The following TAF1B variants were observed in gnomAD, a reference collection of about 807,000 sequenced individuals.
TAF1B encodes the protein TATA-box binding protein associated factor, RNA polymerase I subunit B.
Under a neutral mutation model 83.9 loss-of-function variants are expected in TAF1B, and 61 were observed. That is an observed-to-expected ratio of 0.73 (90% CI 0.59 to 0.90). The LOEUF is 0.90. Among genes scored for constraint, TAF1B ranks in the 40% least tolerant of loss-of-function variants. TAF1B has a pLI of 0.00. For missense variants in TAF1B, 625 were observed against 677.0 expected, an observed-to-expected ratio of 0.92 and a Z score of 0.85; for synonymous variants, 221 against 224.6, an observed-to-expected ratio of 0.98 and a Z score of 0.14.
chr2:9,871,757 T>C (rs12613533), intron 6 of TAF1B, among the ~76,000 whole-genome samples: 36,707 of 151,970 alleles, frequency 0.24, 4,999 homozygotes, highest in East Asian at 0.3. Flanking sequence ...ATCAGATTCC[T>C]CAGAGAAATC....
At chr2:9,863,710 T>C (rs9674070) in intron 5 of TAF1B, among the ~76,000 whole-genome samples, 36,780 of 152,046 alleles carry the variant, frequency 0.24, 5,017 homozygotes, top group East Asian at 0.31. Context: ...AAGCACTCCT[T>C]AGCAAATGTA....
intron 5 of TAF1B, among the ~76,000 whole-genome samples, chr2:9,867,676 T>C (rs997135402): frequency 6.9e-6 from 1 of 145,830 alleles, no homozygotes; most frequent in Non-Finnish European, 1.6e-5. Context: ...CCAGCTGACC[T>C]TTTTAGGGAC....
intron 8 of TAF1B, among the ~76,000 whole-genome samples, chr2:9,884,980 A>T (rs971111220): frequency 1.3e-5 from 2 of 152,230 alleles, no homozygotes; most frequent in African/African-American, 4.8e-5. Context: ...TTCCATGCAT[A>T]TTCAACTGTA....
In TAF1B at chr2:9,868,195, G is replaced by C. The variant is rs763502487; in HGVS notation, c.400-81G>C. ...GAGTGGTTTCTTTTAGGGTGTTTGT[G>C]ATAGGAGTTGTTTAAGTTCACAGAA... On this transcript the variant is annotated intron_variant, in intron 5 of 14. Transcript: ENST00000263663. 5 of 1,433,118 alleles carry C rather than the reference G, an allele frequency of 3.5e-6. No homozygotes were observed. In the African/African-American group the frequency reaches 7.2e-5, roughly 21 times the overall value. 88.8% of individuals were successfully genotyped at this position (1,433,118 alleles called of 1,614,324 possible).
intron 6 of TAF1B, among the ~76,000 whole-genome samples, chr2:9,873,872 T>C (rs1456968287): frequency 2.0e-5 from 3 of 152,088 alleles, no homozygotes; most frequent in Non-Finnish European, 4.4e-5. Context: ...TGGTCTTCTG[T>C]TTCTACTCCT....
At chr2:9,877,437 G>A (rs394299) in intron 7 of TAF1B, among the ~76,000 whole-genome samples, 2,197 of 152,156 alleles carry the variant, frequency 0.014, 23 homozygotes, top group Middle Eastern at 0.02. Flanking sequence ...TCCCCTCTAC[G>A]TACACTGTTG....
intron 7 of TAF1B, among the ~76,000 whole-genome samples, chr2:9,880,925 A>G (rs1239091390): frequency 1.3e-5 from 2 of 152,196 alleles, no homozygotes; most frequent in Admixed American, 1.3e-4. Flanking sequence ...CATAAATACT[A>G]TCATATAAAC....
chr2:9,883,360 A>T (rs917754733), intron 8 of TAF1B, among the ~76,000 whole-genome samples: 4 of 152,014 alleles, frequency 2.6e-5, no homozygotes, highest in Non-Finnish European at 5.9e-5. Flanking sequence ...GTTTTTTTTG[A>T]TGTACTAAAT....
intron 6 of TAF1B, among the ~76,000 whole-genome samples, chr2:9,869,873 A>C (rs1379019584): frequency 6.6e-6 from 1 of 150,906 alleles, no homozygotes; most frequent in Non-Finnish European, 1.5e-5. Context: ...CTCCATCTCA[A>C]AAAAAAAAGA....
chr2:9,891,531 G>A (rs1402710528), intron 8 of TAF1B, among the ~76,000 whole-genome samples: 1 of 152,018 alleles, frequency 6.6e-6, no homozygotes, highest in African/African-American at 2.4e-5. Context: ...ACTGGTTTAT[G>A]TATTTACTAT....
intron 5 of TAF1B, among the ~76,000 whole-genome samples, chr2:9,863,121 T>G: frequency 6.6e-6 from 1 of 151,556 alleles, no homozygotes; most frequent in East Asian, 1.9e-4. Flanking sequence ...GTAAATGGGC[T>G]AAATGCTCCA....
chr2:9,918,966 A>C, intron 12 of TAF1B, 75 bp from the exon 13 acceptor site: 2 of 1,236,874 alleles, frequency 1.6e-6, no homozygotes, highest in Non-Finnish European at 2.4e-6. Flanking sequence ...CAGAAATCTC[A>C]GATAGTGCTT....
At chr2:9,891,197 G>A (rs1324332010) in intron 8 of TAF1B, among the ~76,000 whole-genome samples, 2 of 152,232 alleles carry the variant, frequency 1.3e-5, no homozygotes, top group African/African-American at 2.4e-5. Flanking sequence ...CTGTCACCTA[G>A]TGATGTTGTA....
At chr2:9,892,269 A>G (rs1664893631) in intron 8 of TAF1B, among the ~76,000 whole-genome samples, 1 of 152,196 alleles carries the variant, frequency 6.6e-6, no homozygotes, top group Admixed American at 6.5e-5. Flanking sequence ...CTAGGTGTGT[A>G]CTGGGCTGTA....
At chr2:9,918,288 G>A (rs1357642649) in intron 12 of TAF1B, among the ~76,000 whole-genome samples, 2 of 152,240 alleles carry the variant, frequency 1.3e-5, no homozygotes, top group Admixed American at 1.3e-4. Flanking sequence ...CAGAGCAGCA[G>A]CGTCTGCTTG....
At chr2:9,889,952 C>T (rs530928132) in intron 8 of TAF1B, among the ~76,000 whole-genome samples, 1 of 152,270 alleles carries the variant, frequency 6.6e-6, no homozygotes, top group African/African-American at 2.4e-5. Flanking sequence ...TCCCTGGCCT[C>T]AGATATTTTC....
chr2:9,902,840 G>C (rs1665223529), intron 8 of TAF1B, among the ~76,000 whole-genome samples: 1 of 152,116 alleles, frequency 6.6e-6, no homozygotes, highest in African/African-American at 2.4e-5. Context: ...CAAAATTTTT[G>C]TATTAGGCTC....
chr2:9,920,196 C>G (rs771866881), intron 14 of TAF1B, among the ~76,000 whole-genome samples: 1 of 152,130 alleles, frequency 6.6e-6, no homozygotes, highest in Non-Finnish European at 1.5e-5. Context: ...TAAGGATATT[C>G]TCTTAAGTGA....
At chr2:9,923,019 G>A (rs1012315109) in intron 14 of TAF1B, among the ~76,000 whole-genome samples, 1 of 152,110 alleles carries the variant, frequency 6.6e-6, no homozygotes, top group African/African-American at 2.4e-5. Flanking sequence ...TGAGGCAGGT[G>A]GATCACTTGA....
Sources: allele counts gnomAD v4.1 joint callset (sites outside exome capture counted in the v4.1 genomes callset), GRCh38; gene constraint gnomAD v4.1.1; transcripts MANE v1.5; gene names NCBI Gene and HGNC (gene_info 2026-07-23, HGNC 2026-07-21).